Variants in LIG1 observed in about 807,000 individuals in gnomAD.
The protein encoded by LIG1 is DNA ligase 1.
Under a neutral mutation model 115.7 loss-of-function variants are expected in LIG1, and 70 were observed. That is an observed-to-expected ratio of 0.60 (90% CI 0.50 to 0.74). The LOEUF (loss-of-function observed/expected upper bound fraction) is 0.74, where lower values mean the gene tolerates loss of function less well. Ranked by LOEUF, LIG1 falls within the 30% of genes least tolerant of loss-of-function variation. The pLI, the probability that LIG1 is intolerant of heterozygous loss-of-function variation, is 0.00. For synonymous variants in LIG1, 487 were observed against 495.3 expected, an observed-to-expected ratio of 0.98 and a Z score of 0.22; for missense variants, 1,115 against 1,225.6, an observed-to-expected ratio of 0.91 and a Z score of 1.35.
intron 1 of LIG1, among the ~76,000 whole-genome samples, chr19:48,168,559 TC>T (rs1321741524): frequency 2.0e-5 from 3 of 152,180 alleles, no homozygotes; most frequent in Admixed American, 6.5e-5. Context: ...ACAGAGACCC[TC>T]ACAGGTGGAC....
chr19:48,139,871 T>G, intron 12 of LIG1, 100 bp downstream of exon 12: 1 of 1,389,282 alleles, frequency 7.2e-7, no homozygotes, highest in Non-Finnish European at 1.0e-6. Context: ...CAACCCTGTT[T>G]CACAGCCTCT....
chr19:48,165,655 G>A, intron 1 of LIG1, 32 bp from the exon 2 acceptor site: 1 of 1,536,442 alleles, frequency 6.5e-7, no homozygotes, highest in Non-Finnish European at 9.0e-7. Context: ...TTGTTGAGGT[G>A]ATTGGTTGTG....
chr19:48,166,283 G>C (rs2036479071), intron 1 of LIG1, among the ~76,000 whole-genome samples: 1 of 152,198 alleles, frequency 6.6e-6, no homozygotes, highest in African/African-American at 2.4e-5. Flanking sequence ...TGTATTCCCA[G>C]CTACTCTGGA....
Position 48,122,975 on chromosome 19 carries a change from C to A in LIG1, c.2191G>T (p.Ala731Ser). ...GLMVKTLDVDATYEIAKRSHN... is the reference protein window; with the variant it reads ...GLMVKTLDVDSTYEIAKRSHN... The stretch of plus-strand genomic sequence containing the variant: ...GATCTCTTGGCGATCTCGTAGGTGG[C>A]ATCAACATCCAGGGTCTTCACCATC... The change falls in exon 23 of 28, where the codon GCC becomes TCC. Residue 731 changes from alanine (A) to serine (S), a missense_variant. Coordinates refer to ENST00000263274, the MANE Select transcript of LIG1 (RefSeq NM_000234.3). This position sits in a 1 kb window ranked among gnomAD's most constrained non-coding sequence, Gnocchi z 4.3. 1 of 1,613,568 alleles carries A rather than the reference C, an allele frequency of 6.2e-7. No homozygotes were observed.
chr19:48,145,919 G>A (rs1165199660), intron 9 of LIG1: 1 of 152,224 alleles, frequency 6.6e-6, no homozygotes, highest in East Asian at 1.9e-4. Flanking sequence ...GGGATTCCTA[G>A]CCAGTCCTCA....
At position 48,149,835 on chromosome 19, in the gene LIG1, C is replaced by CG; in HGVS notation, c.703dup (p.Arg235ProfsTer24). On this transcript the variant is annotated frameshift_variant, in exon 9 of 28. Transcript: ENST00000263274. LOFTEE classifies it high-confidence loss of function. ...CACTTCTTTTTTGACTGCTGGCTTC[C>CG]GGGGGGCTAGGAATGAAGACAGAAA... 1 of 1,613,892 alleles carries CG rather than the reference C, an allele frequency of 6.2e-7. No homozygotes were observed. Among genetic ancestry groups the CG allele is most frequent in the South Asian group, 1.1e-5 (1 of 91,028 alleles).
chr19:48,133,475 TG>T (rs2122569336), intron 17 of LIG1: 1 of 318,720 alleles, frequency 3.1e-6, no homozygotes, highest in Non-Finnish European at 6.0e-6. Flanking sequence ...CACAGGAACC[TG>T]GGTCCCCGGG....
At chr19:48,165,433 A>C (rs2036426265) in intron 2 of LIG1, 117 bp downstream of exon 2, 1 of 872,322 alleles carries the variant, frequency 1.1e-6, no homozygotes, top group East Asian at 2.5e-5. Flanking sequence ...GGAAATTCCA[A>C]CTCAAAATCT....
In LIG1 at chr19:48,136,974, C is replaced by A. The variant is rs182509753; in HGVS notation, c.1331+34G>T. 453 of 1,553,700 alleles carry A rather than the reference C, an allele frequency of 2.9e-4. 3 individuals carry two copies. In the East Asian group the frequency reaches 7.7e-3, roughly 26 times the overall value. On this transcript the variant is annotated intron_variant, in intron 14 of 27. Coordinates refer to ENST00000263274, the MANE Select transcript of LIG1 (RefSeq NM_000234.3). ...CTCCTTTCACCTCCGAGCCTGCAGTCCCCCTCTGTAGCCTCACAGGCCCAC... is the reference window on the plus strand; with the variant it reads ...CTCCTTTCACCTCCGAGCCTGCAGTACCCCTCTGTAGCCTCACAGGCCCAC...
intron 1 of LIG1, among the ~76,000 whole-genome samples, chr19:48,166,325 A>G (rs2036481541): frequency 6.6e-6 from 1 of 152,186 alleles, no homozygotes; most frequent in Non-Finnish European, 1.5e-5. Flanking sequence ...TGAACCCGGG[A>G]GGTAGAGGCT....
At chr19:48,166,985 GAAAGAA>G (rs1386820369) in intron 1 of LIG1, among the ~76,000 whole-genome samples, 5 of 145,882 alleles carry the variant, frequency 3.4e-5, no homozygotes, top group Admixed American at 6.8e-5. Context: ...GAAAGAAAAA[GAAAGAA>G]AAAGAAAAAG....
chr19:48,157,423 C>G (rs1300204004), intron 4 of LIG1, among the ~76,000 whole-genome samples: 1 of 152,050 alleles, frequency 6.6e-6, no homozygotes, highest in Non-Finnish European at 1.5e-5. Flanking sequence ...GACTACAGGC[C>G]TGCACTACCA....
intron 24 of LIG1, 56 bp downstream of exon 24, chr19:48,121,114 C>G (rs761314358): frequency 6.2e-7 from 1 of 1,613,462 alleles, no homozygotes. Flanking sequence ...GAAATACCCC[C>G]GGGAGTCTAA....
chr19:48,170,158 C>T, intron 1 of LIG1, 83 bp downstream of exon 1: 2 of 453,554 alleles, frequency 4.4e-6, no homozygotes, highest in South Asian at 3.1e-5. Context: ...GCAGACACCC[C>T]GACATGGCGA....
rs1599790639 is a variant in LIG1 at position 48,137,882 on chromosome 19, A to G, written c.1088-194T>C. On this transcript the variant is annotated intron_variant, in intron 12 of 27. Transcript: ENST00000263274. The surrounding 1 kb of genome is among the most constrained non-coding windows in gnomAD (Gnocchi z 4.3). ...TGCCCCCAGCCACGCTGGCTGTAGG[A>G]AGTCAGCAAACATGCACGTGGAGCC... The G allele has an allele frequency of 1.5e-6, 1 of 666,684 alleles. No homozygotes were observed. Among genetic ancestry groups the G allele is most frequent in the Non-Finnish European group, 2.6e-6 (1 of 381,472 alleles). 41.3% of individuals were successfully genotyped at this position (666,684 alleles called of 1,614,324 possible).
chr19:48,144,931 T>C (rs1315180717), intron 9 of LIG1, among the ~76,000 whole-genome samples: 1 of 151,718 alleles, frequency 6.6e-6, no homozygotes, highest in Non-Finnish European at 1.5e-5. Context: ...TATTTTTTTT[T>C]GAGACAGGGT....
chr19:48,143,850 G>A (rs950415696), intron 10 of LIG1, 33 bp downstream of exon 10: 1 of 1,571,144 alleles, frequency 6.4e-7, no homozygotes, highest in Non-Finnish European at 8.8e-7. Flanking sequence ...ACAGGGACCG[G>A]AGGGGGACAG....
At chr19:48,162,484 A>AGT in intron 2 of LIG1, 133 bp from the exon 3 acceptor site, 1 of 630,270 alleles carries the variant, frequency 1.6e-6, no homozygotes, top group Non-Finnish European at 2.7e-6. Flanking sequence ...CCCAGGCTGG[A>AGT]GTGCAATGGC....
chr19:48,121,797 G>A (rs778832185), intron 23 of LIG1, among the ~76,000 whole-genome samples: 13 of 152,180 alleles, frequency 8.5e-5, no homozygotes, highest in East Asian at 3.9e-4. Flanking sequence ...GTGAAACTCC[G>A]TCTTAAAATA....
Sources: gnomAD v4.1 joint callset for allele counts (sites outside exome capture counted in the v4.1 genomes callset) on GRCh38, gnomAD v4.1.1 for gene constraint, Gnocchi (gnomAD v3.1) non-coding constraint, MANE v1.5 for transcripts, NCBI Gene and HGNC (gene_info 2026-07-23, HGNC 2026-07-21) for gene names.